The following FAM110A variants were observed in gnomAD, a reference collection of about 807,000 sequenced individuals.
FAM110A encodes the protein family with sequence similarity 110 member A, also known as protein FAM110A.
In FAM110A, 1 loss-of-function variant was observed where a neutral mutation model predicts 4.0. The observed-to-expected ratio is 0.25, with a 90% CI of 0.09 to 1.20. The LOEUF is 1.20. Among genes scored for constraint, FAM110A ranks in the 50% most tolerant of loss-of-function variants. The pLI, the probability that FAM110A is intolerant of heterozygous loss-of-function variation, is 0.50. For missense variants in FAM110A, 436 were observed against 429.2 expected, an observed-to-expected ratio of 1.02 and a Z score of -0.14; for synonymous variants, 217 against 196.8, an observed-to-expected ratio of 1.10 and a Z score of -0.86.
chr20:837,434 A>G (rs1979641970), intron 1 of FAM110A, among the ~76,000 whole-genome samples: 1 of 152,180 alleles, frequency 6.6e-6, no homozygotes, highest in Non-Finnish European at 1.5e-5. Flanking sequence ...TGGGCTGATG[A>G]AGCCCTCCCT....
rs1979855478 is a variant in FAM110A, at chr20:840,979, G to A, written c.-97-3729G>A. On this transcript the variant is annotated intron_variant, in intron 1 of 1. Coordinates refer to ENST00000381941, the MANE Select transcript of FAM110A (RefSeq NM_001042353.3). The surrounding 1 kb of genome is among the most constrained non-coding windows in gnomAD (Gnocchi z 4.4). ...TGGCGGTCGTTCTGAGTGTCAGGGA[G>A]CGGGGCTCAGTTTGTCCATCTCTAA... Among the ~76,000 whole-genome samples, 1 of 152,252 alleles carries A rather than the reference G, an allele frequency of 6.6e-6. No homozygotes were observed. The highest frequency in any genetic ancestry group is 2.4e-5 in the African/African-American group (1 of 41,466).
Position 845,904 on chromosome 20 carries a change from A to T in FAM110A, c.*212A>T. The T allele has an allele frequency of 1.0e-6, 1 of 995,586 alleles. No homozygotes were observed. The highest frequency in any genetic ancestry group is 1.4e-6 in the Non-Finnish European group (1 of 701,268). The allele number at this position is 995,586 out of a possible 1,614,324, so 61.7% of individuals were successfully genotyped here. On this transcript the variant is annotated 3_prime_UTR_variant, in exon 2 of 2. Coordinates refer to ENST00000381941, the MANE Select transcript of FAM110A (RefSeq NM_001042353.3). ...TGTTCTTGGCTTTGGACACCTGAGAACCCCCTCCTCCCCTCCCCCAATACA... is the reference window on the plus strand; with the variant it reads ...TGTTCTTGGCTTTGGACACCTGAGATCCCCCTCCTCCCCTCCCCCAATACA...
rs774266816 is a variant in FAM110A at position 845,580 on chromosome 20, G to C, written c.776G>C (p.Arg259Pro). 1.9e-6 allele frequency: 3 copies of C among 1,613,830 alleles called. No individual in the cohort carries two copies. Among genetic ancestry groups the C allele is most frequent in the Non-Finnish European group, 2.5e-6 (3 of 1,179,986 alleles). ...CGCAGCTCGGTGACTGTTGAGGAGC[G>C]GGCCCGGGAGCGCGTTCCCTATGGC... ...SRRSSVTVEE[R>P]ARERVPYGVS... is the part of the protein sequence containing the mutation. Residue 259 changes from arginine (R) to proline (P), a missense_variant, in exon 2 of 2, where the codon CGG becomes CCG. Physicochemically the swap from Arg to Pro is moderately radical, Grantham distance 103. Coordinates refer to ENST00000381941, the MANE Select transcript of FAM110A (RefSeq NM_001042353.3).
In FAM110A at chr20:837,045, GTTTTTTTTT is replaced by G. The variant is rs71191980; in HGVS notation, c.-98+3110_-98+3118del. Reference sequence around the variant, plus strand: ...ATGTCTGTTCAAGTGACTCTGCATTGTTTTTTTTTTTTTTTTTTTTTTTTGAGACAAGAG... The same window carrying G: ...ATGTCTGTTCAAGTGACTCTGCATTGTTTTTTTTTTTTTTTGAGACAAGAG... On this transcript the variant is annotated intron_variant, in intron 1 of 1. Coordinates refer to ENST00000381941, the MANE Select transcript of FAM110A (RefSeq NM_001042353.3). Among the ~76,000 whole-genome samples, 132 of 82,920 alleles carry G rather than the reference GTTTTTTTTT, an allele frequency of 1.6e-3. 2 individuals are homozygous for G. The South Asian group carries it at 0.028, about 17-fold the overall frequency. 54.4% of individuals were successfully genotyped at this position (82,920 alleles called of 152,430 possible). A position where few individuals can be genotyped will look rare whatever the true frequency, so the allele number is the denominator to read the frequency against.
intron 1 of FAM110A, among the ~76,000 whole-genome samples, chr20:842,622 G>A (rs916977707): frequency 6.6e-6 from 1 of 152,222 alleles, no homozygotes; most frequent in Non-Finnish European, 1.5e-5. Flanking sequence ...GGCTGCTGCA[G>A]AGGTCTCCAG....
At chr20:835,681 C>A (rs1228848464) in intron 1 of FAM110A, among the ~76,000 whole-genome samples, 3 of 152,226 alleles carry the variant, frequency 2.0e-5, no homozygotes, top group African/African-American at 7.2e-5. Context: ...CAAGGCCACC[C>A]TGAGCAAGGC....
At chr20:842,595 A>T (rs939646179) in intron 1 of FAM110A, among the ~76,000 whole-genome samples, 13 of 152,054 alleles carry the variant, frequency 8.5e-5, no homozygotes, top group African/African-American at 2.7e-4. Context: ...GCACCCAAGG[A>T]TCTATTCCCA....
intron 1 of FAM110A, among the ~76,000 whole-genome samples, chr20:842,167 T>C (rs1022852396): frequency 3.3e-5 from 5 of 152,164 alleles, no homozygotes; most frequent in African/African-American, 1.2e-4. Context: ...GAGGCGAAGC[T>C]GCTTGCGCAA....
In FAM110A at chr20:834,279, C is replaced by T. The variant is rs6117897; in HGVS notation, c.-98+328C>T. ...GGATCACATATCCCCGCGCCCCACACTGTCCTCGGGATACCCCCTTTGGGC... is the reference window on the plus strand; with the variant it reads ...GGATCACATATCCCCGCGCCCCACATTGTCCTCGGGATACCCCCTTTGGGC... On this transcript the variant is annotated intron_variant, in intron 1 of 1. Coordinates refer to ENST00000381941, the MANE Select transcript of FAM110A (RefSeq NM_001042353.3). This position sits in a 1 kb window ranked among gnomAD's most constrained non-coding sequence, Gnocchi z 5.6. Among the ~76,000 whole-genome samples the T allele has an allele frequency of 0.044, 6,706 of 152,298 alleles. 507 individuals carry two copies. The highest frequency in any genetic ancestry group is 0.15 in the African/African-American group (6,302 of 41,534).
Position 845,892 on chromosome 20 carries a change from G to A in FAM110A, c.*200G>A, listed in dbSNP as rs1980326575. 1 of 1,186,678 alleles carries A rather than the reference G, an allele frequency of 8.4e-7. No homozygotes were observed. The highest frequency in any genetic ancestry group is 1.6e-5 in the South Asian group (1 of 61,358). 73.5% of individuals were successfully genotyped at this position (1,186,678 alleles called of 1,614,324 possible). A position where few individuals can be genotyped will look rare whatever the true frequency, so the allele number is the denominator to read the frequency against. On this transcript the variant is annotated 3_prime_UTR_variant, in exon 2 of 2. Coordinates refer to ENST00000381941, the MANE Select transcript of FAM110A (RefSeq NM_001042353.3). The stretch of plus-strand genomic sequence containing the variant: ...CTCCAAGGGTTTTGTTCTTGGCTTT[G>A]GACACCTGAGAACCCCCTCCTCCCC...
At chr20:838,980 C>T (rs1446362718) in intron 1 of FAM110A, among the ~76,000 whole-genome samples, 1 of 152,088 alleles carries the variant, frequency 6.6e-6, no homozygotes, top group Non-Finnish European at 1.5e-5. Flanking sequence ...GCTGGGAAAA[C>T]ATTGCCGTTA....
At chr20:838,340 A>T (rs1057426096) in intron 1 of FAM110A, among the ~76,000 whole-genome samples, 3 of 152,120 alleles carry the variant, frequency 2.0e-5, no homozygotes, top group African/African-American at 4.8e-5. Context: ...AAAGCTTTAT[A>T]CATTTAATAT....
In FAM110A at chr20:840,092, G is replaced by A; in HGVS notation, c.-97-4616G>A. 1 of 684,532 alleles carries A rather than the reference G, an allele frequency of 1.5e-6. No individual in the cohort carries two copies. The highest frequency in any genetic ancestry group is 2.6e-6 in the Non-Finnish European group (1 of 385,460). The allele number at this position is 684,532 out of a possible 1,614,324, so 42.4% of individuals were successfully genotyped here. On this transcript the variant is annotated intron_variant, in intron 1 of 1. Coordinates refer to ENST00000381941, the MANE Select transcript of FAM110A (RefSeq NM_001042353.3). The surrounding 1 kb of genome is among the most constrained non-coding windows in gnomAD (Gnocchi z 4.4). ...GTTACTACTATTAGCGCCTGAAGGA[G>A]CCTTCCCTCCCCATCCCCCATTTCT...
Position 845,529 on chromosome 20 carries a change from G to A in FAM110A, c.725G>A (p.Gly242Asp). Residue 242 changes from glycine to aspartate, a missense_variant, in exon 2 of 2, where the codon GGC becomes GAC. Physicochemically the swap from Gly to Asp is moderately conservative, Grantham distance 94. Transcript: ENST00000381941. ...CTGGCAGGGCCCAGTGCTGGGCCGG[G>A]CAGCTCTGAAGGGGGCTGCTCCCGC... ...VSLAGPSAGP[G>D]SSEGGCSRRS... 6.2e-7 allele frequency: 1 copy of A among 1,612,704 alleles called. No homozygotes were observed. Among genetic ancestry groups the A allele is most frequent in the Non-Finnish European group, 8.5e-7 (1 of 1,179,500 alleles).
rs1247328577 is a variant in FAM110A, at chr20:844,688, T to C, written c.-97-20T>C. The C allele has an allele frequency of 2.6e-5, 33 of 1,291,688 alleles. 1 individual carries two copies. The highest frequency in any genetic ancestry group is 9.9e-5 in the South Asian group (4 of 40,500). The allele number at this position is 1,291,688 out of a possible 1,614,324, so 80.0% of individuals were successfully genotyped here. On this transcript the variant is annotated intron_variant, in intron 1 of 1. Transcript: ENST00000381941. ...GAGCGCGCTCGGCTTTTTTTTTTTT[T>C]TCTCTCTCCTTCCCTGCAGCAGTGG...
In FAM110A at chr20:833,959, C is replaced by G. The variant is rs1173434409; in HGVS notation, c.-98+8C>G. ...GCCTAGCGCGGGCTCCAGGTGAGGG[C>G]GCGGGTGGGTCCGGGTGCGACCCCG... On this transcript the variant is annotated splice_region_variant and intron_variant, in intron 1 of 1. Coordinates refer to ENST00000381941, the MANE Select transcript of FAM110A (RefSeq NM_001042353.3). This position sits in a 1 kb window ranked among gnomAD's most constrained non-coding sequence, Gnocchi z 4.1. 8 of 152,224 alleles carry G rather than the reference C, an allele frequency of 5.3e-5. No individual in the cohort carries two copies. The East Asian group carries it at 1.5e-3, about 29-fold the overall frequency. The allele number at this position is 152,224 out of a possible 1,614,324, so 9.4% of individuals were successfully genotyped here. A position where few individuals can be genotyped will look rare whatever the true frequency, so the allele number is the denominator to read the frequency against.
chr20:840,343 G>C lies in FAM110A; in HGVS notation c.-97-4365G>C, dbSNP rs767687657. ...GCCTCTTCAGCCTGAGTGTGGCAGA[G>C]GGCTGGGGCTGAGGCCTGGGGGACA... On this transcript the variant is annotated intron_variant, in intron 1 of 1. Transcript: ENST00000381941. This position sits in a 1 kb window ranked among gnomAD's most constrained non-coding sequence, Gnocchi z 4.4. 2.0e-5 allele frequency among the ~76,000 whole-genome samples: 3 copies of C among 152,188 alleles called. No homozygotes were observed. Among genetic ancestry groups the C allele is most frequent in the Non-Finnish European group, 4.4e-5 (3 of 68,030 alleles).
chr20:835,878 G>T (rs1476312180), intron 1 of FAM110A, among the ~76,000 whole-genome samples: 1 of 152,206 alleles, frequency 6.6e-6, no homozygotes, highest in Non-Finnish European at 1.5e-5. Flanking sequence ...CTCCTCTGGG[G>T]CAGGCAAGGG....
At position 845,967 on chromosome 20, in the gene FAM110A, T is replaced by C. The variant is rs530689891; in HGVS notation, c.*275T>C. 7 of 523,700 alleles carry C rather than the reference T, an allele frequency of 1.3e-5. No homozygotes were observed. The Admixed American group carries it at 1.6e-4, about 12-fold the overall frequency. 32.4% of individuals were successfully genotyped at this position (523,700 alleles called of 1,614,324 possible). ...TGAGTGTACTCCTGCTTAGTTCCTC[T>C]TGTGGGGCTGCATTTGCGGTGCTTT... On this transcript the variant is annotated 3_prime_UTR_variant, in exon 2 of 2. Transcript: ENST00000381941.
Sources: gnomAD v4.1 joint callset for allele counts (sites outside exome capture counted in the v4.1 genomes callset) on GRCh38, gnomAD v4.1.1 for gene constraint, Gnocchi (gnomAD v3.1) non-coding constraint, MANE v1.5 for transcripts, NCBI Gene and HGNC (gene_info 2026-07-23, HGNC 2026-07-21) for gene names.